The following TNC variants were observed in gnomAD, a reference collection of about 807,000 sequenced individuals.
TNC encodes tenascin.
In TNC, 109 loss-of-function variants were observed where a neutral mutation model predicts 202.4. That is an observed-to-expected ratio of 0.54 (90% CI 0.46 to 0.63). TNC has a LOEUF of 0.63. TNC is among the 30% of genes least tolerant of loss of function. The pLI is 0.00. For missense variants in TNC, 2,756 were observed against 2,833.3 expected, an observed-to-expected ratio of 0.97 and a Z score of 0.62; for synonymous variants, 1,007 against 1,089.7, an observed-to-expected ratio of 0.92 and a Z score of 1.50.
At chr9:115,083,994 T>C (rs1003212942) in intron 4 of TNC, among the ~76,000 whole-genome samples, 17 of 152,230 alleles carry the variant, frequency 1.1e-4, no homozygotes, top group Non-Finnish European at 2.4e-4. Context: ...GTAATGATTT[T>C]CTCTGGCAGG....
intron 20 of TNC, among the ~76,000 whole-genome samples, chr9:115,037,558 C>T (rs1830426480): frequency 6.6e-6 from 1 of 152,060 alleles, no homozygotes; most frequent in South Asian, 2.1e-4. Context: ...GACAGAGCCT[C>T]CCTCTCTCAC....
intron 26 of TNC, among the ~76,000 whole-genome samples, chr9:115,025,419 C>A (rs533585939): frequency 6.6e-6 from 1 of 152,114 alleles, no homozygotes; most frequent in African/African-American, 2.4e-5. Context: ...GACTTTTCAC[C>A]TTATGGATGT....
rs1281075652 is a variant in TNC, at chr9:115,020,556, T to TA, written c.*600_*601insT. On this transcript the variant is annotated 3_prime_UTR_variant, in exon 28 of 28. Transcript: ENST00000350763. ...AACTCAAAAGTACTTGTGCTTTTAT[T>TA]TAAAAAAAAAATACAATCAGGTACT... The TA allele has an allele frequency of 9.1e-5, 20 of 220,824 alleles. No homozygotes were observed. The highest frequency in any genetic ancestry group is 1.2e-4 in the South Asian group (3 of 24,242). 13.7% of individuals were successfully genotyped at this position (220,824 alleles called of 1,614,324 possible).
intron 22 of TNC, 23 bp downstream of exon 22, chr9:115,035,181 G>A: frequency 6.3e-7 from 1 of 1,583,670 alleles, no homozygotes; most frequent in Non-Finnish European, 8.6e-7. Flanking sequence ...TAGCATTGAG[G>A]AGTTGTTATA....
intron 27 of TNC, 122 bp downstream of exon 27, chr9:115,023,851 T>C: frequency 8.6e-7 from 1 of 1,164,400 alleles, no homozygotes; most frequent in Non-Finnish European, 1.2e-6. Flanking sequence ...AAAAACATGT[T>C]GTCATACAAG....
intron 23 of TNC, among the ~76,000 whole-genome samples, 197 bp downstream of exon 23, chr9:115,031,356 G>A (rs2131678155): frequency 6.6e-6 from 1 of 152,338 alleles, no homozygotes; most frequent in Admixed American, 6.5e-5. Context: ...GAATCCAGAT[G>A]GGCTTCCTCC....
intron 20 of TNC, among the ~76,000 whole-genome samples, chr9:115,037,655 G>A (rs1426846522): frequency 2.6e-5 from 4 of 152,154 alleles, no homozygotes; most frequent in Non-Finnish European, 5.9e-5. Flanking sequence ...AGCCTGCCGA[G>A]TAGCTGGGAC....
chr9:115,042,187 C>T (rs746403144), intron 18 of TNC, 32 bp downstream of exon 18: 4 of 1,608,854 alleles, frequency 2.5e-6, no homozygotes, highest in South Asian at 1.1e-5. Context: ...CCACAACACT[C>T]CTCCTCTCTC....
chr9:115,095,959 G>T (rs1180271695), intron 1 of TNC, among the ~76,000 whole-genome samples: 1 of 151,908 alleles, frequency 6.6e-6, no homozygotes, highest in Non-Finnish European at 1.5e-5. Flanking sequence ...AGATTTTTGG[G>T]GTCCCATATC....
chr9:115,022,572 G>GT (rs113120666), intron 27 of TNC, among the ~76,000 whole-genome samples: 89 of 149,692 alleles, frequency 5.9e-4, no homozygotes, highest in African/African-American at 1.4e-3. Context: ...TAGCTTGTTG[G>GT]TTTTTTTTTT....
intron 22 of TNC, among the ~76,000 whole-genome samples, chr9:115,032,322 G>A (rs528572044): frequency 6.6e-6 from 1 of 152,120 alleles, no homozygotes; most frequent in South Asian, 2.1e-4. Flanking sequence ...ATCATTAAAC[G>A]GAGTGAGGAG....
intron 10 of TNC, among the ~76,000 whole-genome samples, chr9:115,070,811 T>TCA (rs1445484703): frequency 2.6e-5 from 4 of 152,230 alleles, no homozygotes; most frequent in African/African-American, 9.6e-5. Flanking sequence ...CATGGCTCCT[T>TCA]CACCCAAGAG....
chr9:115,080,898 A>G (rs1834256145), intron 6 of TNC, among the ~76,000 whole-genome samples: 1 of 148,812 alleles, frequency 6.7e-6, no homozygotes, highest in Non-Finnish European at 1.5e-5. Flanking sequence ...GGTGACAGAA[A>G]AAAAAAAAAA....
intron 5 of TNC, 65 bp from the exon 6 acceptor site, chr9:115,081,993 A>G: frequency 4.9e-6 from 7 of 1,442,710 alleles, no homozygotes; most frequent in Non-Finnish European, 6.6e-6. Flanking sequence ...TATGTGATTC[A>G]TTCACTCTGC....
intron 1 of TNC, among the ~76,000 whole-genome samples, chr9:115,114,160 G>A (rs1240522061): frequency 6.6e-6 from 1 of 152,200 alleles, no homozygotes; most frequent in Non-Finnish European, 1.5e-5. Context: ...TTGGAAGGGA[G>A]CCTTCATCTA....
Position 115,059,994 on chromosome 9 carries a change from G to A in TNC, c.4042C>T (p.Pro1348Ser). The stretch of plus-strand genomic sequence containing the variant: ...GACACGGCTAAATCTCCCAGCTGTG[G>A]GAGATCCTCTGAAGAAGGACAGAAA... ...LAVEVVTEDL[P>S]QLGDLAVSEV... Residue 1348 changes from proline to serine, a missense_variant, in exon 14 of 28, where the codon CCA becomes TCA. By Grantham distance (74) the Pro-to-Ser change is moderately conservative (BLOSUM62 -1). Transcript: ENST00000350763. The A allele has an allele frequency of 6.2e-7, 1 of 1,612,458 alleles. No individual in the cohort carries two copies. Among genetic ancestry groups the A allele is most frequent in the Non-Finnish European group, 8.5e-7 (1 of 1,178,960 alleles).
intron 1 of TNC, among the ~76,000 whole-genome samples, chr9:115,096,270 C>CCA (rs1835782240): frequency 2.0e-5 from 3 of 152,234 alleles, no homozygotes; most frequent in African/African-American, 7.2e-5. Context: ...ATTCATTGGT[C>CCA]TTGAATTCGA....
At chr9:115,102,821 A>C (rs1416969202) in intron 1 of TNC, among the ~76,000 whole-genome samples, 1 of 152,220 alleles carries the variant, frequency 6.6e-6, no homozygotes, top group Non-Finnish European at 1.5e-5. Flanking sequence ...ACAACACAAA[A>C]CACTTTATCT....
intron 26 of TNC, among the ~76,000 whole-genome samples, chr9:115,025,862 T>C (rs888183321): frequency 3.9e-5 from 6 of 152,180 alleles, no homozygotes; most frequent in Non-Finnish European, 7.3e-5. Context: ...CAAGAAATCT[T>C]CAAGACTGGA....
Sources: gnomAD v4.1 joint callset for allele counts (sites outside exome capture counted in the v4.1 genomes callset) on GRCh38, gnomAD v4.1.1 for gene constraint, MANE v1.5 for transcripts, NCBI Gene and HGNC (gene_info 2026-07-23, HGNC 2026-07-21) for gene names.